Variants in BMERB1 observed in about 807,000 individuals in gnomAD.
BMERB1 encodes the protein bMERB domain-containing protein 1.
In BMERB1, 12 loss-of-function variants were observed where a neutral mutation model predicts 23.6. That is an observed-to-expected ratio of 0.51 (90% CI 0.33 to 0.82). The LOEUF (loss-of-function observed/expected upper bound fraction) is 0.82, where lower values mean the gene tolerates loss of function less well. Ranked by LOEUF, BMERB1 falls within the 40% of genes least tolerant of loss-of-function variation. BMERB1 has a pLI of 0.03. For missense variants in BMERB1, 247 were observed against 255.4 expected, an observed-to-expected ratio of 0.97 and a Z score of 0.22; for synonymous variants, 122 against 96.6, an observed-to-expected ratio of 1.26 and a Z score of -1.54.
At chr16:15,520,875 C>A (rs1004185569) in intron 2 of BMERB1, among the ~76,000 whole-genome samples, 1 of 152,174 alleles carries the variant, frequency 6.6e-6, no homozygotes, top group African/African-American at 2.4e-5. Context: ...GTTATTTCCT[C>A]AGGAAGGGAC....
intron 1 of BMERB1, among the ~76,000 whole-genome samples, chr16:15,512,016 A>AC (rs1393216568): frequency 7.7e-6 from 1 of 129,890 alleles, no homozygotes; most frequent in Non-Finnish European, 1.5e-5. Flanking sequence ...TGCTCTCAAA[A>AC]AAAAAAAAAA....
rs1460519880 is a variant in BMERB1 at position 15,569,068 on chromosome 16, T to C, written c.304+1012T>C. On this transcript the variant is annotated intron_variant, in intron 3 of 5. Coordinates refer to ENST00000300006, the MANE Select transcript of BMERB1 (RefSeq NM_033201.3). ...CCATCTCTAGTAAAAATATGAAAAT[T>C]AGCCAGGGGTGGTGGCGGGTGCCTG... Among the ~76,000 whole-genome samples the C allele has an allele frequency of 6.6e-5, 10 of 152,056 alleles. No individual in the cohort carries two copies. In the East Asian group the frequency reaches 1.7e-3, roughly 27 times the overall value.
At chr16:15,513,685 G>A (rs903686839) in intron 1 of BMERB1, among the ~76,000 whole-genome samples, 3 of 152,000 alleles carry the variant, frequency 2.0e-5, no homozygotes, top group African/African-American at 7.2e-5. Flanking sequence ...CATGAGGTCA[G>A]GAGTTCAAGA....
intron 2 of BMERB1, among the ~76,000 whole-genome samples, chr16:15,520,430 CT>C: frequency 6.7e-6 from 1 of 149,500 alleles, no homozygotes; most frequent in Non-Finnish European, 1.5e-5. Flanking sequence ...AGGCTTTGGA[CT>C]TTTCTGTACC....
At chr16:15,501,757 G>A (rs1275627617) in intron 1 of BMERB1, among the ~76,000 whole-genome samples, 1 of 152,084 alleles carries the variant, frequency 6.6e-6, no homozygotes, top group Admixed American at 6.6e-5. Context: ...ACAGGCGTGA[G>A]TGAGCCACCG....
At chr16:15,517,373 T>C (rs1018888873) in intron 2 of BMERB1, among the ~76,000 whole-genome samples, 2 of 152,112 alleles carry the variant, frequency 1.3e-5, no homozygotes, top group Admixed American at 1.3e-4. Flanking sequence ...TAGCCACGTG[T>C]GGTGGCGTGC....
At position 15,587,506 on chromosome 16, in the gene BMERB1, G is replaced by C. The variant is rs1363198146; in HGVS notation, c.*677G>C. 2.2e-6 allele frequency: 1 copy of C among 446,524 alleles called. No homozygotes were observed. Among genetic ancestry groups the C allele is most frequent in the East Asian group, 7.2e-5 (1 of 13,982 alleles). The allele number at this position is 446,524 out of a possible 1,614,324, so 27.7% of individuals were successfully genotyped here. A position where few individuals can be genotyped will look rare whatever the true frequency, so the allele number is the denominator to read the frequency against. The stretch of plus-strand genomic sequence containing the variant: ...CCATTGTGCTCTCAGTCTGCCTCAG[G>C]TGTGTGCCTGGAGGGGGCCTGGACT... On this transcript the variant is annotated 3_prime_UTR_variant, in exon 6 of 6. Coordinates refer to ENST00000300006, the MANE Select transcript of BMERB1 (RefSeq NM_033201.3).
chr16:15,575,384 A>G (rs1248157742), intron 3 of BMERB1, among the ~76,000 whole-genome samples: 1 of 152,190 alleles, frequency 6.6e-6, no homozygotes. Context: ...GGCTACTATT[A>G]CCTTCTTACT....
intron 2 of BMERB1, among the ~76,000 whole-genome samples, chr16:15,551,525 G>C (rs1273727748): frequency 2.0e-5 from 3 of 152,192 alleles, no homozygotes; most frequent in African/African-American, 7.2e-5. Context: ...GAAGGGATTA[G>C]TGAAGCTGCA....
At chr16:15,502,408 C>G in intron 1 of BMERB1, 2 of 1,510,078 alleles carry the variant, frequency 1.3e-6, no homozygotes, top group South Asian at 2.4e-5. Flanking sequence ...CAGTGGCATC[C>G]TCTCCACGAG....
At chr16:15,539,222 C>T (rs76361897) in intron 2 of BMERB1, among the ~76,000 whole-genome samples, 7 of 152,086 alleles carry the variant, frequency 4.6e-5, no homozygotes, top group Non-Finnish European at 1.0e-4. Flanking sequence ...CTATAAGGAG[C>T]GTGCAACCTA....
chr16:15,548,684 T>C (rs1170447264), intron 2 of BMERB1, among the ~76,000 whole-genome samples: 1 of 152,192 alleles, frequency 6.6e-6, no homozygotes, highest in African/African-American at 2.4e-5. Flanking sequence ...TGCGTTTTCT[T>C]TGTGGTTTAT....
intron 2 of BMERB1, among the ~76,000 whole-genome samples, chr16:15,551,449 G>A (rs898036705): frequency 1.3e-4 from 20 of 152,188 alleles, no homozygotes; most frequent in Admixed American, 1.3e-4. Context: ...GATAACAAGG[G>A]GGCTATGGCT....
At chr16:15,522,829 G>A (rs2051869873) in intron 2 of BMERB1, among the ~76,000 whole-genome samples, 1 of 152,172 alleles carries the variant, frequency 6.6e-6, no homozygotes, top group Admixed American at 6.5e-5. Context: ...AGGGGTGGAT[G>A]TTTACAACTC....
chr16:15,537,503 G>A (rs182042988), intron 2 of BMERB1, among the ~76,000 whole-genome samples: 3 of 151,822 alleles, frequency 2.0e-5, no homozygotes, highest in Middle Eastern at 3.4e-3. Context: ...ACAGGTGCCC[G>A]CCACCATGCC....
Position 15,581,318 on chromosome 16 carries a change from G to C in BMERB1, c.406G>C (p.Val136Leu), listed in dbSNP as rs1458710939. Residue 136 changes from valine to leucine, a missense_variant, in exon 4 of 6, where the codon GTC becomes CTC. Physicochemically the swap from Val to Leu is conservative, Grantham distance 32 (BLOSUM62 1). Coordinates refer to ENST00000300006, the MANE Select transcript of BMERB1 (RefSeq NM_033201.3). ...KRDFLVDDAEVERLREQEEDK... is the reference protein window; with the variant it reads ...KRDFLVDDAELERLREQEEDK... Reference sequence around the variant, plus strand: ...AGACTTCCTGGTGGACGATGCGGAGGTCGAGCGGTTAAGGTGAGTGCACTG... The same window carrying C: ...AGACTTCCTGGTGGACGATGCGGAGCTCGAGCGGTTAAGGTGAGTGCACTG... 6.2e-7 allele frequency: 1 copy of C among 1,613,838 alleles called. No individual in the cohort carries two copies. Among genetic ancestry groups the C allele is most frequent in the Non-Finnish European group, 8.5e-7 (1 of 1,179,956 alleles).
intron 1 of BMERB1, among the ~76,000 whole-genome samples, chr16:15,498,568 G>A (rs918633178): frequency 6.7e-6 from 1 of 150,006 alleles, no homozygotes; most frequent in African/African-American, 2.5e-5. Flanking sequence ...AAAGGAAAGG[G>A]GCAAAAGGAA....
rs186265365 is a variant in BMERB1, at chr16:15,583,220, G to T, written c.484G>T (p.Val162Leu). Residue 162 changes from valine to leucine, a missense_variant, in exon 5 of 6, where the codon GTA becomes TTA. Coordinates refer to ENST00000300006, the MANE Select transcript of BMERB1 (RefSeq NM_033201.3). ...LRIKLKPLDK[V>L]TKSPASSRAE... ...AATCAAGTTAAAACCTCTAGACAAAGTAACCAAATCTCCAGCCAGTGAGTA... is the reference window on the plus strand; with the variant it reads ...AATCAAGTTAAAACCTCTAGACAAATTAACCAAATCTCCAGCCAGTGAGTA... The T allele has an allele frequency of 2.9e-5, 46 of 1,611,538 alleles. No individual in the cohort carries two copies. The African/African-American group carries it at 3.5e-4, about 12-fold the overall frequency.
intron 3 of BMERB1, chr16:15,577,058 C>T (rs930831988): frequency 3.3e-5 from 5 of 152,160 alleles, no homozygotes; most frequent in African/African-American, 1.2e-4. Flanking sequence ...AGGCTGGCCA[C>T]CCCACCCTAA....
Sources: gnomAD v4.1 joint callset for allele counts (sites outside exome capture counted in the v4.1 genomes callset) on GRCh38, gnomAD v4.1.1 for gene constraint, MANE v1.5 for transcripts, NCBI Gene and HGNC (gene_info 2026-07-23, HGNC 2026-07-21) for gene names.